CNTN4: variants seen among roughly 807,000 people sequenced by gnomAD.
The protein encoded by CNTN4 is contactin-4.
In CNTN4, 77 loss-of-function variants were observed where a neutral mutation model predicts 122.5. The ratio of observed to expected loss-of-function variants is 0.63; its 90% CI spans 0.52 to 0.76. The LOEUF is 0.76. CNTN4 is among the 30% of genes least tolerant of loss of function. The pLI, the probability that CNTN4 is intolerant of heterozygous loss-of-function variation, is 0.00. For synonymous variants in CNTN4, 512 were observed against 447.0 expected (o/e 1.15, Z -1.83); for missense variants, 1,256 against 1,259.1 (o/e 1.00, Z 0.04).
intron 13 of CNTN4, among the ~76,000 whole-genome samples, chr3:2,962,010 T>A (rs145911477): frequency 6.6e-6 from 1 of 152,198 alleles, no homozygotes; most frequent in Admixed American, 6.5e-5. Context: ...GTCAAAAACA[T>A]GTCAAAGACA....
At chr3:2,990,488 A>G (rs142929932) in intron 14 of CNTN4, among the ~76,000 whole-genome samples, 186 of 152,294 alleles carry the variant, frequency 1.2e-3, no homozygotes, top group African/African-American at 3.5e-3. Flanking sequence ...GGTAGGAACA[A>G]GGTATGTTCT....
At chr3:2,147,546 C>A (rs890277162) in intron 2 of CNTN4, among the ~76,000 whole-genome samples, 1 of 151,778 alleles carries the variant, frequency 6.6e-6, no homozygotes, top group African/African-American at 2.4e-5. Flanking sequence ...CACATATTTC[C>A]CCCTCTTTCC....
intron 4 of CNTN4, among the ~76,000 whole-genome samples, chr3:2,706,111 G>C (rs1255152110): frequency 6.7e-6 from 1 of 149,762 alleles, no homozygotes; most frequent in Admixed American, 6.8e-5. Context: ...GTAGAGATTA[G>C]ACATCTATTA....
chr3:2,689,261 G>A (rs182453752), intron 4 of CNTN4, among the ~76,000 whole-genome samples: 95 of 152,280 alleles, frequency 6.2e-4, no homozygotes, highest in African/African-American at 2.2e-3. Context: ...AGTTGCCACT[G>A]ACATTCCCAT....
chr3:2,347,752 T>C (rs2044456915), intron 3 of CNTN4, among the ~76,000 whole-genome samples: 1 of 152,066 alleles, frequency 6.6e-6, no homozygotes, highest in Admixed American at 6.6e-5. Context: ...AAAGGAGAAC[T>C]GTAGTATTTA....
At chr3:2,309,398 A>G (rs2042834805) in intron 2 of CNTN4, among the ~76,000 whole-genome samples, 1 of 152,170 alleles carries the variant, frequency 6.6e-6, no homozygotes, top group African/African-American at 2.4e-5. Context: ...TGTGTTTTTT[A>G]AAAGCCAGTG....
Position 2,972,944 on chromosome 3 carries a change from C to A in CNTN4, c.1359-15401C>A, listed in dbSNP as rs138242786. Among the ~76,000 whole-genome samples, 975 of 151,880 alleles carry A rather than the reference C, an allele frequency of 6.4e-3. 4 individuals carry two copies. Among genetic ancestry groups the A allele is most frequent in the South Asian group, 0.021 (103 of 4,810 alleles). ...TTCTTAAGCTCTTCTCTTTTTCGGT[C>A]ATCAACTTCCCCTTGGAATTAGGAA... On this transcript the variant is annotated intron_variant, in intron 13 of 24. Transcript: ENST00000418658.
intron 3 of CNTN4, among the ~76,000 whole-genome samples, chr3:2,352,063 G>A (rs1354693552): frequency 6.6e-6 from 1 of 152,118 alleles, no homozygotes; most frequent in Admixed American, 6.5e-5. Context: ...TTACTCATAA[G>A]TGTATACAAT....
chr3:2,191,216 G>A (rs1015534189), intron 2 of CNTN4, among the ~76,000 whole-genome samples: 2 of 151,234 alleles, frequency 1.3e-5, no homozygotes, highest in African/African-American at 2.4e-5. Flanking sequence ...CTACAGGCAC[G>A]TGGAACCATG....
intron 4 of CNTN4, among the ~76,000 whole-genome samples, chr3:2,592,611 A>T (rs965990893): frequency 1.3e-5 from 2 of 152,188 alleles, no homozygotes; most frequent in East Asian, 3.9e-4. Context: ...GCCTGCCAAC[A>T]TCCATGTAAG....
chr3:2,458,656 G>A (rs1472809785), intron 3 of CNTN4, among the ~76,000 whole-genome samples: 2 of 152,004 alleles, frequency 1.3e-5, no homozygotes, highest in East Asian at 3.9e-4. Context: ...TAGTACCCAT[G>A]AATTTTGTGA....
At position 2,237,749 on chromosome 3, in the gene CNTN4, G is replaced by A. The variant is rs920565139; in HGVS notation, c.-144-101429G>A. The stretch of plus-strand genomic sequence containing the variant: ...GGAGTTGTTTTCATTTAGTTTGTAA[G>A]GAATGAATATTGGTATTTTTATGAT... On this transcript the variant is annotated intron_variant, in intron 2 of 24. Coordinates refer to ENST00000418658, the MANE Select transcript of CNTN4 (RefSeq NM_175607.3). Among the ~76,000 whole-genome samples, 8 of 152,202 alleles carry A rather than the reference G, an allele frequency of 5.3e-5. No individual in the cohort carries two copies. In the East Asian group the frequency reaches 1.5e-3, roughly 29 times the overall value.
rs1003289856 is a variant in CNTN4, at chr3:3,043,224, C to T, written c.2698+61C>T. On this transcript the variant is annotated intron_variant, in intron 22 of 24. Coordinates refer to ENST00000418658, the MANE Select transcript of CNTN4 (RefSeq NM_175607.3). ...TCATCACACATATCCCAAGTTTATT[C>T]CTTATCCCCACCTCCCAATGATCAT... 1.0e-5 allele frequency: 15 copies of T among 1,448,564 alleles called. No individual in the cohort carries two copies. The African/African-American group carries it at 1.3e-4, about 12-fold the overall frequency. The allele number at this position is 1,448,564 out of a possible 1,614,324, so 89.7% of individuals were successfully genotyped here. A position where few individuals can be genotyped will look rare whatever the true frequency, so the allele number is the denominator to read the frequency against.
chr3:2,805,977 C>T (rs1474843767), intron 6 of CNTN4, among the ~76,000 whole-genome samples: 4 of 152,054 alleles, frequency 2.6e-5, no homozygotes, highest in African/African-American at 9.7e-5. Context: ...TGTCGGCTCA[C>T]TGCAAGCTCC....
chr3:2,408,427 T>C (rs185226315), intron 3 of CNTN4, among the ~76,000 whole-genome samples: 53 of 152,304 alleles, frequency 3.5e-4, no homozygotes, highest in African/African-American at 1.3e-3. Context: ...TGGTAAGAGG[T>C]ACAATTTATA....
intron 7 of CNTN4, among the ~76,000 whole-genome samples, chr3:2,849,645 GA>G (rs1369961014): frequency 1.3e-5 from 2 of 152,212 alleles, no homozygotes; most frequent in African/African-American, 2.4e-5. Flanking sequence ...CTACTTTACA[GA>G]AGAAGATCAA....
chr3:2,827,922 C>T (rs548032272), intron 7 of CNTN4, among the ~76,000 whole-genome samples: 1 of 152,048 alleles, frequency 6.6e-6, no homozygotes, highest in African/African-American at 2.4e-5. Context: ...TTAAAAAAAG[C>T]AAAATGTGAG....
At chr3:2,776,086 A>G (rs1192719590) in intron 6 of CNTN4, among the ~76,000 whole-genome samples, 1 of 152,176 alleles carries the variant, frequency 6.6e-6, no homozygotes, top group Non-Finnish European at 1.5e-5. Flanking sequence ...ACTTATTTGA[A>G]CACAAAGTTT....
At chr3:2,791,616 C>A (rs915886337) in intron 6 of CNTN4, among the ~76,000 whole-genome samples, 3 of 151,992 alleles carry the variant, frequency 2.0e-5, no homozygotes, top group Non-Finnish European at 2.9e-5. Flanking sequence ...AGAATGCAAA[C>A]CTGATGCCTG....
Sources: gnomAD v4.1 joint callset for allele counts (sites outside exome capture counted in the v4.1 genomes callset) on GRCh38, gnomAD v4.1.1 for gene constraint, MANE v1.5 for transcripts, NCBI Gene and HGNC (gene_info 2026-07-23, HGNC 2026-07-21) for gene names.